CHCHD6: variants seen among roughly 807,000 people sequenced by gnomAD.
The protein encoded by CHCHD6 is coiled-coil-helix-coiled-coil-helix domain containing 6, also known as MICOS complex subunit MIC25.
A neutral mutation model predicts 32.3 loss-of-function variants in CHCHD6; 28 were observed. That is an observed-to-expected ratio of 0.87 (90% confidence interval 0.64 to 1.19). The LOEUF (loss-of-function observed/expected upper bound fraction) is 1.19. CHCHD6 is among the 50% of genes most tolerant of loss of function. The probability of loss-of-function intolerance (pLI) is 0.00; values close to 1 mark genes in which losing one functional copy is unlikely to be tolerated. For synonymous variants in CHCHD6, 122 were observed against 117.5 expected (o/e 1.04, Z -0.25); for missense variants, 333 against 307.0 (o/e 1.08, Z -0.63).
At chr3:126,739,477 A>G (rs1472659245) in intron 4 of CHCHD6, among the ~76,000 whole-genome samples, 1 of 152,222 alleles carries the variant, frequency 6.6e-6, no homozygotes. Flanking sequence ...ATGCAGCTCC[A>G]GAGATTTTAA....
intron 5 of CHCHD6, among the ~76,000 whole-genome samples, chr3:126,878,320 T>C (rs944725337): frequency 1.1e-4 from 17 of 152,242 alleles, no homozygotes; most frequent in African/African-American, 3.9e-4. Flanking sequence ...AAACCAGTGT[T>C]TCCTGAAATC....
intron 4 of CHCHD6, among the ~76,000 whole-genome samples, chr3:126,821,425 G>A (rs1209810885): frequency 6.6e-6 from 1 of 152,102 alleles, no homozygotes; most frequent in Non-Finnish European, 1.5e-5. Context: ...AGCCTCCCGA[G>A]TAGCTGGGAT....
Position 126,866,399 on chromosome 3 carries a change from C to T in CHCHD6, c.495+13669C>T, listed in dbSNP as rs527389558. 1.9e-4 allele frequency among the ~76,000 whole-genome samples: 29 copies of T among 152,314 alleles called. No homozygotes were observed. In the South Asian group the frequency reaches 2.3e-3, roughly 12 times the overall value. On this transcript the variant is annotated intron_variant, in intron 5 of 7. Transcript: ENST00000290913. ...GACTCTGCTGCAAAAGTGCCTGATG[C>T]GTTCTGAGTGTGTCACATGTACTAA...
At chr3:126,821,951 T>A (rs1232536329) in intron 4 of CHCHD6, among the ~76,000 whole-genome samples, 1 of 152,236 alleles carries the variant, frequency 6.6e-6, no homozygotes. Flanking sequence ...GAATTTTTTA[T>A]ATGTCCTGGA....
At position 126,943,044 on chromosome 3, in the gene CHCHD6, T is replaced by C. The variant is rs563603427; in HGVS notation, c.567-14372T>C. On this transcript the variant is annotated intron_variant, in intron 6 of 7. Coordinates refer to ENST00000290913, the MANE Select transcript of CHCHD6 (RefSeq NM_032343.3). Reference sequence around the variant, plus strand: ...TCATAGAGCATGAGACTTGGCTGTTTTCTTCAACAGGATATGTATTTGCTC... The same window carrying C: ...TCATAGAGCATGAGACTTGGCTGTTCTCTTCAACAGGATATGTATTTGCTC... Among the ~76,000 whole-genome samples the C allele has an allele frequency of 2.0e-5, 3 of 152,340 alleles. No homozygotes were observed. In the South Asian group the frequency reaches 6.2e-4, roughly 32 times the overall value.
intron 4 of CHCHD6, among the ~76,000 whole-genome samples, chr3:126,806,458 C>T (rs1236251200): frequency 6.6e-6 from 1 of 152,116 alleles, no homozygotes; most frequent in Non-Finnish European, 1.5e-5. Flanking sequence ...TGCTCATCAT[C>T]ACTGGCCATC....
intron 7 of CHCHD6, among the ~76,000 whole-genome samples, chr3:126,959,303 C>T (rs1024079834): frequency 6.6e-6 from 1 of 152,244 alleles, no homozygotes; most frequent in Non-Finnish European, 1.5e-5. Context: ...ATGGCAGTGC[C>T]AGAGGCCTGC....
chr3:126,957,679 C>A, intron 7 of CHCHD6, 128 bp downstream of exon 7: 1 of 1,173,564 alleles, frequency 8.5e-7, no homozygotes, highest in Non-Finnish European at 1.2e-6. Flanking sequence ...GAGGTCTCTG[C>A]ATTTGCCAAG....
At chr3:126,791,700 C>G (rs1938553423) in intron 4 of CHCHD6, among the ~76,000 whole-genome samples, 1 of 152,246 alleles carries the variant, frequency 6.6e-6, no homozygotes, top group African/African-American at 2.4e-5. Flanking sequence ...GCCTCCACCT[C>G]CCAGGTTCAA....
At chr3:126,722,937 T>A (rs914000241) in intron 1 of CHCHD6, among the ~76,000 whole-genome samples, 1 of 152,236 alleles carries the variant, frequency 6.6e-6, no homozygotes, top group African/African-American at 2.4e-5. Context: ...TAGTTTTAGC[T>A]CTTAATGTTT....
At chr3:126,744,561 G>A (rs750511982) in intron 4 of CHCHD6, among the ~76,000 whole-genome samples, 53 of 152,346 alleles carry the variant, frequency 3.5e-4, no homozygotes, top group African/African-American at 1.1e-3. Context: ...TTCGCTGTGA[G>A]TAATGGAAGC....
intron 4 of CHCHD6, among the ~76,000 whole-genome samples, chr3:126,848,945 T>C (rs1252082282): frequency 3.9e-5 from 6 of 152,230 alleles, no homozygotes; most frequent in African/African-American, 1.2e-4. Context: ...TCACTATTTC[T>C]ATTGTCACCT....
chr3:126,790,732 T>G (rs955658966), intron 4 of CHCHD6, among the ~76,000 whole-genome samples: 1 of 152,186 alleles, frequency 6.6e-6, no homozygotes, highest in Non-Finnish European at 1.5e-5. Context: ...GTCTAATCTT[T>G]TTTCAAGGTT....
chr3:126,860,015 T>TG (rs1356658708), intron 5 of CHCHD6, among the ~76,000 whole-genome samples: 1 of 151,920 alleles, frequency 6.6e-6, no homozygotes, highest in Admixed American at 6.6e-5. Flanking sequence ...ACGTGCTCAG[T>TG]GAGGGGTGTG....
intron 4 of CHCHD6, among the ~76,000 whole-genome samples, chr3:126,789,783 G>A (rs906158167): frequency 6.6e-6 from 1 of 152,042 alleles, no homozygotes; most frequent in African/African-American, 2.4e-5. Context: ...TATCCAATTT[G>A]CCACTCTCTG....
chr3:126,812,904 A>G (rs958914037), intron 4 of CHCHD6, among the ~76,000 whole-genome samples: 5 of 152,090 alleles, frequency 3.3e-5, no homozygotes, highest in Admixed American at 6.6e-5. Context: ...TTTGTGACTC[A>G]TCTTCACCCC....
At chr3:126,948,474 A>G (rs1353363551) in intron 6 of CHCHD6, among the ~76,000 whole-genome samples, 3 of 152,080 alleles carry the variant, frequency 2.0e-5, no homozygotes, top group African/African-American at 7.2e-5. Context: ...CTTCTTCACA[A>G]GAGAATATGA....
chr3:126,846,699 T>G (rs188333355), intron 4 of CHCHD6, among the ~76,000 whole-genome samples: 1 of 152,270 alleles, frequency 6.6e-6, no homozygotes, highest in East Asian at 1.9e-4. Context: ...CTTTTTCTAC[T>G]AGGTTCTTTA....
At chr3:126,886,931 C>G (rs1341945286) in intron 5 of CHCHD6, among the ~76,000 whole-genome samples, 16 of 152,216 alleles carry the variant, frequency 1.1e-4, no homozygotes, top group Admixed American at 9.8e-4. Flanking sequence ...CCCTTCACCC[C>G]TCGTCTCATC....
Sources: allele counts gnomAD v4.1 joint callset (sites outside exome capture counted in the v4.1 genomes callset), GRCh38; gene constraint gnomAD v4.1.1; transcripts MANE v1.5; gene names NCBI Gene and HGNC (gene_info 2026-07-23, HGNC 2026-07-21).